The following ERAP1 variants were observed in gnomAD, a reference collection of about 807,000 sequenced individuals.
The protein encoded by ERAP1 is adipocyte-derived leucine aminopeptidase.
ERAP1 carries 86 observed loss-of-function variants against 103.7 expected under a neutral mutation model. That is an observed-to-expected ratio of 0.83 (90% CI 0.70 to 0.99). The LOEUF is 0.99. Among genes scored for constraint, ERAP1 ranks in the 50% least tolerant of loss-of-function variants. The pLI is 0.00. For synonymous variants in ERAP1, 398 were observed against 402.4 expected (o/e 0.99, Z 0.13); for missense variants, 1,009 against 1,128.4 (o/e 0.89, Z 1.52).
chr5:96,917,709 AT>A, the ERAP1 span: 1 of 885,866 alleles, frequency 1.1e-6, no homozygotes, highest in Non-Finnish European at 1.6e-6. Context: ...GATGGAGACC[AT>A]CCTGGCTAAC....
chr5:96,854,164 C>T, the ERAP1 span, among the ~76,000 whole-genome samples: 1 of 152,144 alleles, frequency 6.6e-6, no homozygotes, highest in African/African-American at 2.4e-5. Flanking sequence ...GTTTCCTTAT[C>T]TATAAAATAT....
the ERAP1 span, among the ~76,000 whole-genome samples, chr5:96,907,302 G>A: frequency 1.1e-4 from 17 of 152,168 alleles, no homozygotes; most frequent in Non-Finnish European, 2.2e-4. Flanking sequence ...AAAAGAAAAG[G>A]AGTCCCTTAT....
At chr5:96,793,997 G>A (rs1176906514) in intron 5 of ERAP1, 40 bp from the exon 6 acceptor site, 1 of 1,603,044 alleles carries the variant, frequency 6.2e-7, no homozygotes, top group African/African-American at 1.3e-5. Context: ...CAGTCTCTAA[G>A]CTATACATTC....
Position 96,774,692 on chromosome 5 carries a change from G to A in ERAP1, c.*1704C>T, listed in dbSNP as rs1773721849. 3 of 981,542 alleles carry A rather than the reference G, an allele frequency of 3.1e-6. No individual in the cohort carries two copies. In the South Asian group the frequency reaches 1.4e-4, roughly 46 times the overall value. 60.8% of individuals were successfully genotyped at this position (981,542 alleles called of 1,614,324 possible). On this transcript the variant is annotated 3_prime_UTR_variant, in exon 19 of 19. Coordinates refer to ENST00000443439, the MANE Select transcript of ERAP1 (RefSeq NM_001040458.3). ...AATATTTTACATTAAAATCTTGGTT[G>A]TGTATTTTTTTAAAAGAAGGGAAAT...
At position 96,775,244 on chromosome 5, in the gene ERAP1, A is replaced by AC; in HGVS notation, c.*1151dup. On this transcript the variant is annotated 3_prime_UTR_variant, in exon 19 of 19. Coordinates refer to ENST00000443439, the MANE Select transcript of ERAP1 (RefSeq NM_001040458.3). ...TGAGCAGCAACTGTGTGCTGAAGCA[A>AC]CCGTGTGTGAAGTCTTCACAAAAGA... 5 of 969,068 alleles carry AC rather than the reference A, an allele frequency of 5.2e-6. No homozygotes were observed. Among genetic ancestry groups the AC allele is most frequent in the Non-Finnish European group, 6.1e-6 (5 of 824,636 alleles). The allele number at this position is 969,068 out of a possible 1,614,324, so 60.0% of individuals were successfully genotyped here. A position where few individuals can be genotyped will look rare whatever the true frequency, so the allele number is the denominator to read the frequency against.
At chr5:96,801,081 A>C in intron 2 of ERAP1, 81 bp from the exon 3 acceptor site, 1 of 1,448,492 alleles carries the variant, frequency 6.9e-7, no homozygotes, top group Non-Finnish European at 9.6e-7. Context: ...TTAATTCCTA[A>C]AGTTACTATA....
At chr5:96,818,299 C>T in the ERAP1 span, among the ~76,000 whole-genome samples, 4 of 152,276 alleles carry the variant, frequency 2.6e-5, no homozygotes, top group African/African-American at 9.6e-5. Context: ...AATCACACTG[C>T]TCAGGCTCAG....
the ERAP1 span, among the ~76,000 whole-genome samples, chr5:96,841,351 A>G: frequency 6.6e-6 from 1 of 152,166 alleles, no homozygotes; most frequent in South Asian, 2.1e-4. Flanking sequence ...ACACAAACTG[A>G]GTCATTTCAA....
At chr5:96,771,739 T>A, downstream of ERAP1, 1 of 1,289,004 alleles carries the variant, frequency 7.8e-7, no homozygotes, top group Non-Finnish European at 1.1e-6. Flanking sequence ...AAGACAACTG[T>A]ATCTTCTGCC....
chr5:96,882,224 A>G, the ERAP1 span, among the ~76,000 whole-genome samples: 1 of 152,198 alleles, frequency 6.6e-6, no homozygotes, highest in Non-Finnish European at 1.5e-5. Flanking sequence ...CACATAAACA[A>G]TGATGGCTTT....
chr5:96,906,582 G>C, the ERAP1 span, among the ~76,000 whole-genome samples: 1 of 152,182 alleles, frequency 6.6e-6, no homozygotes, highest in Admixed American at 6.5e-5. Flanking sequence ...GAGAGAATTT[G>C]ATGCAAGAAT....
chr5:96,931,264 C>T, the ERAP1 span, among the ~76,000 whole-genome samples: 3 of 152,036 alleles, frequency 2.0e-5, no homozygotes, highest in African/African-American at 7.3e-5. Flanking sequence ...TCAAGCAATC[C>T]TCCCACCTCA....
the ERAP1 span, among the ~76,000 whole-genome samples, chr5:96,820,683 G>T: frequency 1.3e-5 from 2 of 152,106 alleles, no homozygotes; most frequent in Admixed American, 1.3e-4. Flanking sequence ...AGCAAATGCT[G>T]ATTAGTTAGT....
At chr5:96,854,139 G>A in the ERAP1 span, among the ~76,000 whole-genome samples, 1 of 151,928 alleles carries the variant, frequency 6.6e-6, no homozygotes, top group African/African-American at 2.4e-5. Context: ...CTATGTTATC[G>A]AGCTAATTAC....
At chr5:96,870,477 T>A in the ERAP1 span, among the ~76,000 whole-genome samples, 1 of 152,282 alleles carries the variant, frequency 6.6e-6, no homozygotes, top group East Asian at 1.9e-4. Context: ...AATCATAGAA[T>A]CACCCCCACT....
the ERAP1 span, among the ~76,000 whole-genome samples, chr5:96,901,131 T>G: frequency 6.6e-6 from 1 of 152,200 alleles, no homozygotes; most frequent in South Asian, 2.1e-4. Context: ...ATTTCCCTCG[T>G]AAACCACCCC....
At chr5:96,876,000 G>C in the ERAP1 span, 1 of 152,536 alleles carries the variant, frequency 6.6e-6, no homozygotes, top group African/African-American at 2.4e-5. Context: ...CAGTCCCCTC[G>C]TGCCCAAGGA....
At chr5:96,806,623 CTTTTTTTTTTTTT>C (rs75649816) in intron 1 of ERAP1, among the ~76,000 whole-genome samples, 1 of 128,020 alleles carries the variant, frequency 7.8e-6, no homozygotes, top group Non-Finnish European at 1.6e-5. Flanking sequence ...CAAGATCCCT[CTTTTTTTTTTTTT>C]TTTTTTTTTT....
At chr5:96,837,227 A>G in the ERAP1 span, among the ~76,000 whole-genome samples, 1 of 152,272 alleles carries the variant, frequency 6.6e-6, no homozygotes, top group Non-Finnish European at 1.5e-5. Flanking sequence ...GCCAGGAATT[A>G]TATCATTTAC....
Sources: allele counts gnomAD v4.1 joint callset (sites outside exome capture counted in the v4.1 genomes callset), GRCh38; gene constraint gnomAD v4.1.1; transcripts MANE v1.5; gene names NCBI Gene and HGNC (gene_info 2026-07-23, HGNC 2026-07-21).